The following SGK1 variants were observed in gnomAD, a reference collection of about 807,000 sequenced individuals.
SGK1 encodes the protein serine/threonine-protein kinase Sgk1.
A neutral mutation model predicts 64.2 loss-of-function variants in SGK1; 26 were observed. The ratio of observed to expected loss-of-function variants is 0.40; its 90% CI spans 0.30 to 0.56. The LOEUF (loss-of-function observed/expected upper bound fraction) is 0.56. Among genes scored for constraint, SGK1 ranks in the 20% least tolerant of loss-of-function variants. SGK1 has a pLI of 0.38. For missense variants in SGK1, 519 were observed against 645.6 expected (o/e 0.80, Z 2.12); for synonymous variants, 265 against 239.7 (o/e 1.11, Z -0.98).
chr6:134,190,979 T>A (rs1188193829), intron 3 of SGK1, among the ~76,000 whole-genome samples: 1 of 152,134 alleles, frequency 6.6e-6, no homozygotes, highest in Non-Finnish European at 1.5e-5. Flanking sequence ...CGAAGAGCAA[T>A]CCTTTCTGAT....
At chr6:134,202,951 CA>C (rs1775708980) in intron 3 of SGK1, among the ~76,000 whole-genome samples, 1 of 151,996 alleles carries the variant, frequency 6.6e-6, no homozygotes. Flanking sequence ...AATTTAAAGT[CA>C]TTTATTCTCA....
chr6:134,297,839 C>G, intron 1 of SGK1: 2 of 732,602 alleles, frequency 2.7e-6, no homozygotes, highest in South Asian at 2.8e-5. Flanking sequence ...CATCCCCGTG[C>G]TTCCCAGCCA....
Position 134,227,858 on chromosome 6 carries a change from A to G in SGK1, c.286-20427T>C, listed in dbSNP as rs149747560. ...GAGTAATAAATCTTATTTGAAAATTATACTTTAAATATATTTCTTTTAACT... is the reference window on the plus strand; with the variant it reads ...GAGTAATAAATCTTATTTGAAAATTGTACTTTAAATATATTTCTTTTAACT... On this transcript the variant is annotated intron_variant, in intron 2 of 13. Transcript: ENST00000367858. 5.1e-3 allele frequency among the ~76,000 whole-genome samples: 763 copies of G among 150,986 alleles called. 1 individual carries two copies. Among genetic ancestry groups the G allele is most frequent in the Admixed American group, 0.011 (161 of 15,130 alleles).
At chr6:134,206,061 A>G (rs1338004282) in intron 3 of SGK1, among the ~76,000 whole-genome samples, 2 of 152,050 alleles carry the variant, frequency 1.3e-5, no homozygotes, top group Non-Finnish European at 2.9e-5. Context: ...TATAACCTGA[A>G]GCATATTCTC....
intron 1 of SGK1, among the ~76,000 whole-genome samples, chr6:134,296,084 G>A (rs768423777): frequency 1.8e-4 from 27 of 152,146 alleles, no homozygotes; most frequent in Non-Finnish European, 3.8e-4. Context: ...GATGTAATGG[G>A]AAGAGAATCT....
At chr6:134,222,292 T>C (rs1776101415) in intron 2 of SGK1, among the ~76,000 whole-genome samples, 1 of 152,124 alleles carries the variant, frequency 6.6e-6, no homozygotes, top group Non-Finnish European at 1.5e-5. Flanking sequence ...TAGAAACCTG[T>C]TTAGGCTGTG....
intron 2 of SGK1, among the ~76,000 whole-genome samples, chr6:134,253,155 G>A (rs752046042): frequency 6.6e-6 from 1 of 152,170 alleles, no homozygotes; most frequent in African/African-American, 2.4e-5. Flanking sequence ...CTAACAGATG[G>A]AGTAAGACAT....
intron 4 of SGK1, 85 bp from the exon 5 acceptor site, chr6:134,174,165 G>A (rs1164409565): frequency 1.1e-6 from 1 of 919,310 alleles, no homozygotes; most frequent in Non-Finnish European, 1.7e-6. Context: ...TGGCTCTACC[G>A]ACTTCTACCC....
rs1342011910 is a variant in SGK1 at position 134,228,614 on chromosome 6, A to T, written c.286-21183T>A. ...GCATAACAGTATAGGAATATTGGCC[A>T]TAGTAGTCGATCAGTGGAGACTTGT... On this transcript the variant is annotated intron_variant, in intron 2 of 13. Transcript: ENST00000367858. Among the ~76,000 whole-genome samples the T allele has an allele frequency of 2.0e-5, 3 of 152,220 alleles. No individual in the cohort carries two copies. In the East Asian group the frequency reaches 5.8e-4, roughly 29 times the overall value.
At chr6:134,305,947 C>T (rs1379690561) in intron 1 of SGK1, among the ~76,000 whole-genome samples, 1 of 152,174 alleles carries the variant, frequency 6.6e-6, no homozygotes, top group Non-Finnish European at 1.5e-5. Flanking sequence ...CTTTCTGTTT[C>T]AACATATACT....
chr6:134,266,736 G>A (rs540368206), intron 1 of SGK1, among the ~76,000 whole-genome samples: 2 of 151,954 alleles, frequency 1.3e-5, no homozygotes, highest in Non-Finnish European at 2.9e-5. Flanking sequence ...AGAATGTTTC[G>A]CTGATTCATT....
chr6:134,207,234 C>CA (rs1775807764), intron 3 of SGK1, 122 bp downstream of exon 3: 1 of 689,096 alleles, frequency 1.5e-6, no homozygotes, highest in African/African-American at 1.8e-5. Flanking sequence ...TCAAGAAAAA[C>CA]AAAAAACAAA....
chr6:134,212,603 T>C (rs1775910252), intron 2 of SGK1, among the ~76,000 whole-genome samples: 1 of 152,074 alleles, frequency 6.6e-6, no homozygotes, highest in South Asian at 2.1e-4. Context: ...AGGCCAGGGT[T>C]AGATAATAGT....
intron 2 of SGK1, among the ~76,000 whole-genome samples, chr6:134,239,343 A>T (rs1195033656): frequency 6.6e-6 from 1 of 152,242 alleles, no homozygotes; most frequent in Non-Finnish European, 1.5e-5. Flanking sequence ...TCACTAGCTG[A>T]CCTGGATCTA....
chr6:134,291,253 G>A (rs768972081), intron 1 of SGK1, among the ~76,000 whole-genome samples: 3 of 152,126 alleles, frequency 2.0e-5, no homozygotes, highest in South Asian at 2.1e-4. Flanking sequence ...GTAGCAGAGC[G>A]GTGGATGTAG....
At chr6:134,267,295 G>A (rs537882207) in intron 1 of SGK1, among the ~76,000 whole-genome samples, 8 of 148,668 alleles carry the variant, frequency 5.4e-5, no homozygotes, top group African/African-American at 1.7e-4. Context: ...TTTTCTGTTT[G>A]TTTGGTTGGT....
intron 3 of SGK1, chr6:134,177,900 G>A (rs1347907821): frequency 6.8e-7 from 1 of 1,472,372 alleles, no homozygotes; most frequent in Non-Finnish European, 9.1e-7. Context: ...AGTACAGGAA[G>A]GGAGCAAGCT....
At chr6:134,275,512 G>C (rs960165111) in intron 1 of SGK1, among the ~76,000 whole-genome samples, 1 of 152,200 alleles carries the variant, frequency 6.6e-6, no homozygotes, top group Admixed American at 6.5e-5. Flanking sequence ...AAGCCCATAT[G>C]ACTGAAACAA....
At chr6:134,178,379 T>G (rs1264049297) in intron 3 of SGK1, among the ~76,000 whole-genome samples, 1 of 151,930 alleles carries the variant, frequency 6.6e-6, no homozygotes, top group Non-Finnish European at 1.5e-5. Flanking sequence ...TACTAAGACT[T>G]CCGAACAGGA....
Sources: allele counts gnomAD v4.1 joint callset (sites outside exome capture counted in the v4.1 genomes callset), GRCh38; gene constraint gnomAD v4.1.1; transcripts MANE v1.5; gene names NCBI Gene and HGNC (gene_info 2026-07-23, HGNC 2026-07-21).